The following CHD5 variants were observed in gnomAD, a reference collection of about 807,000 sequenced individuals.
CHD5 encodes chromodomain helicase DNA binding protein 5, also known as ATP-dependent chromatin remodeler CHD5.
A neutral mutation model predicts 230.3 loss-of-function variants in CHD5; 69 were observed. The ratio of observed to expected loss-of-function variants is 0.30; its 90% CI spans 0.25 to 0.37. The LOEUF is 0.37. CHD5 is among the 10% of genes least tolerant of loss of function. The pLI is 1.00. For synonymous variants in CHD5, 1,064 were observed against 1,065.9 expected (o/e 1.00, Z 0.03); for missense variants, 1,827 against 2,622.8 (o/e 0.70, Z 6.63).
At chr1:6,176,078 T>G (rs1667422085) in intron 1 of CHD5, among the ~76,000 whole-genome samples, 1 of 152,116 alleles carries the variant, frequency 6.6e-6, no homozygotes, top group African/African-American at 2.4e-5. Context: ...CCTGATCAAC[T>G]TGGAATGACA....
At chr1:6,159,154 G>A (rs964278004) in intron 3 of CHD5, among the ~76,000 whole-genome samples, 182 bp downstream of exon 3, 1 of 151,734 alleles carries the variant, frequency 6.6e-6, no homozygotes, top group Non-Finnish European at 1.5e-5. Flanking sequence ...AGAATTGCTT[G>A]AACCTGGGAG....
Position 6,149,338 on chromosome 1 carries a change from G to A in CHD5, c.1069C>T (p.Leu357=), listed in dbSNP as rs1166656358. 1 of 1,613,288 alleles carries A rather than the reference G, an allele frequency of 6.2e-7. No homozygotes were observed. The highest frequency in any genetic ancestry group is 8.5e-7 in the Non-Finnish European group (1 of 1,179,782). The change falls in exon 8 of 42, where the codon CTG becomes TTG. Residue 357 remains leucine, a synonymous_variant. Coordinates refer to ENST00000262450, the MANE Select transcript of CHD5 (RefSeq NM_015557.3). ...EVCQQGGEII[L]CDTCPRAYHL... is the part of the protein sequence containing the mutation. ...TAGGCCCTCGGGCAGGTGTCGCACA[G>A]GATGATCTCCCCACCCTGCTGGCAC...
At chr1:6,164,874 CAA>C (rs1227653762) in intron 2 of CHD5, among the ~76,000 whole-genome samples, 2 of 151,840 alleles carry the variant, frequency 1.3e-5, no homozygotes, top group African/African-American at 2.4e-5. Context: ...TGGAGCAAAT[CAA>C]AGAGAGGGAG....
At chr1:6,119,209 C>T (rs967097241) in intron 33 of CHD5, among the ~76,000 whole-genome samples, 1 of 151,968 alleles carries the variant, frequency 6.6e-6, no homozygotes, top group South Asian at 2.1e-4. Context: ...TGCAGTGGTG[C>T]GACCTCAGCC....
At chr1:6,159,642 CTCA>C (rs1375882760) in intron 2 of CHD5, 127 bp from the exon 3 acceptor site, 1 of 744,762 alleles carries the variant, frequency 1.3e-6, no homozygotes, top group East Asian at 2.7e-5. Context: ...CATCACTCCA[CTCA>C]TCATCAGAGG....
Position 6,126,723 on chromosome 1 carries a change from G to A in CHD5, c.3927C>T (p.Ile1309=), listed in dbSNP as rs1265186662. The part of the protein sequence containing the change: ...DGVEEVEREI[I]KQEENVDPDY... ...CGGGGTCCACGTTCTCCTCCTGCTTGATGATTTCCCGCTCCACCTCCTCCT... is the reference window on the plus strand; with the variant it reads ...CGGGGTCCACGTTCTCCTCCTGCTTAATGATTTCCCGCTCCACCTCCTCCT... The change falls in exon 26 of 42, where the codon ATC becomes ATT. Residue 1309 remains isoleucine, a synonymous_variant. Coordinates refer to ENST00000262450, the MANE Select transcript of CHD5 (RefSeq NM_015557.3). The surrounding 1 kb of genome is among the most constrained non-coding windows in gnomAD (Gnocchi z 5.7). 6 of 1,613,678 alleles carry A rather than the reference G, an allele frequency of 3.7e-6. No individual in the cohort carries two copies. The African/African-American group carries it at 8.0e-5, about 22-fold the overall frequency.
Position 6,142,693 on chromosome 1 carries a change from G to A in CHD5, c.2044-88C>T. 2.2e-6 allele frequency: 3 copies of A among 1,348,048 alleles called. No individual in the cohort carries two copies. Among genetic ancestry groups the A allele is most frequent in the South Asian group, 2.8e-5 (2 of 71,572 alleles). The allele number at this position is 1,348,048 out of a possible 1,614,324, so 83.5% of individuals were successfully genotyped here. ...GGCCTTTGCACATGCAATTCCTTCTGCCTGGAACACTCTTCCCACTCCTGT... is the reference window on the plus strand; with the variant it reads ...GGCCTTTGCACATGCAATTCCTTCTACCTGGAACACTCTTCCCACTCCTGT... On this transcript the variant is annotated intron_variant, in intron 13 of 41. Transcript: ENST00000262450. The surrounding 1 kb of genome is among the most constrained non-coding windows in gnomAD (Gnocchi z 5.2).
rs1667495451 is a variant in CHD5 at position 6,180,291 on chromosome 1, G to A, written c.-268C>T. Among the ~76,000 whole-genome samples, 1 of 151,422 alleles carries A rather than the reference G, an allele frequency of 6.6e-6. No individual in the cohort carries two copies. Among genetic ancestry groups the A allele is most frequent in the Non-Finnish European group, 1.5e-5 (1 of 67,776 alleles). ...CCGAGTCCCGCAGCCGGCCGAGGGT[G>A]GCGGCGGCAGCGCCAGAGGCACGGC... On this transcript the variant is annotated 5_prime_UTR_variant, in exon 1 of 42. Transcript: ENST00000262450.
In CHD5 at chr1:6,128,166, G is replaced by A. The variant is rs776509638; in HGVS notation, c.3783C>T (p.Ala1261=). Residue 1261 remains alanine, a synonymous_variant, in exon 25 of 42, where the codon GCC becomes GCT. Coordinates refer to ENST00000262450, the MANE Select transcript of CHD5 (RefSeq NM_015557.3). The surrounding 1 kb of genome is among the most constrained non-coding windows in gnomAD (Gnocchi z 7.8). The part of the protein sequence containing the change: ...DSSVIHYDDA[A]ISKLLDRNQD... ...GGTTCCGGTCCAGCAGCTTGGAGAT[G>A]GCCGCATCGTCATAGTGGATCACAC... 1.7e-5 allele frequency: 28 copies of A among 1,614,048 alleles called. No individual in the cohort carries two copies. In the African/African-American group the frequency reaches 2.0e-4, roughly 12 times the overall value.
chr1:6,174,590 TGGTGGATG>T (rs1228996935), intron 1 of CHD5, among the ~76,000 whole-genome samples: 1 of 148,868 alleles, frequency 6.7e-6, no homozygotes, highest in Non-Finnish European at 1.5e-5. Context: ...AGTGGATGGA[TGGTGGATG>T]GGTGGATGGA....
At chr1:6,150,919 C>T in intron 7 of CHD5, 113 bp downstream of exon 7, 1 of 1,302,186 alleles carries the variant, frequency 7.7e-7, no homozygotes, top group Non-Finnish European at 1.0e-6. Context: ...CGGGGAGGTT[C>T]CATGCCCCGC....
chr1:6,146,915 G>A lies in CHD5; in HGVS notation c.1384-44C>T, dbSNP rs770963102. 7.1e-7 allele frequency: 1 copy of A among 1,411,068 alleles called. No individual in the cohort carries two copies. Among genetic ancestry groups the A allele is most frequent in the Non-Finnish European group, 9.4e-7 (1 of 1,064,370 alleles). 87.4% of individuals were successfully genotyped at this position (1,411,068 alleles called of 1,614,324 possible). A position where few individuals can be genotyped will look rare whatever the true frequency, so the allele number is the denominator to read the frequency against. On this transcript the variant is annotated intron_variant, in intron 9 of 41. Transcript: ENST00000262450. This position sits in a 1 kb window ranked among gnomAD's most constrained non-coding sequence, Gnocchi z 5.1. ...CCCCAAGGTGGGGCTCAGCTGCAGG[G>A]CCCCACCCTGAGGCTCCCATGACAG...
Position 6,151,130 on chromosome 1 carries a change from G to A in CHD5, c.896C>T (p.Ser299Leu), listed in dbSNP as rs1477375151. ...GTGGATGCTGGCGCTGTCGAAGTCC[G>A]ACTCCTCCCTCTCATCTTCTTCACT... is the stretch of plus-strand genomic sequence containing the variant. ...SSSEEDEREESDFDSASIHSA... is the reference protein window; with the variant it reads ...SSSEEDEREELDFDSASIHSA... The change falls in exon 7 of 42, where the codon TCG (serine) becomes TTG (leucine). Residue 299 changes from serine (S) to leucine (L), a missense_variant. Transcript: ENST00000262450. 3.1e-6 allele frequency: 5 copies of A among 1,608,652 alleles called. No individual in the cohort carries two copies. Among genetic ancestry groups the A allele is most frequent in the Non-Finnish European group, 4.2e-6 (5 of 1,177,206 alleles).
rs867977204 is a variant in CHD5 at position 6,106,707 on chromosome 1, C to T, written c.5651G>A (p.Arg1884His). ...DVTRLPSMLS[R>H]IPPVAARLQM... ...CAGCCGGGCGGCCACCGGGGGGATG[C>T]GGGACAGCATGGATGGCAGCCGGGT... is the stretch of plus-strand genomic sequence containing the variant. Residue 1884 changes from arginine (R) to histidine (H), a missense_variant, in exon 39 of 42, where the codon CGC becomes CAC. Arg to His is a conservative substitution (Grantham distance 29). Around this residue, in one of 14 missense-constraint regions of CHD5, gnomAD observed 208 missense variants for 302.0 expected, o/e 0.69. Transcript: ENST00000262450. 1.1e-5 allele frequency: 18 copies of T among 1,611,538 alleles called. No individual in the cohort carries two copies. The highest frequency in any genetic ancestry group is 1.5e-5 in the Non-Finnish European group (18 of 1,179,664).
At position 6,146,139 on chromosome 1, in the gene CHD5, C is replaced by A; in HGVS notation, c.1802+73G>T. 2.7e-6 allele frequency: 4 copies of A among 1,469,732 alleles called. No individual in the cohort carries two copies. Among genetic ancestry groups the A allele is most frequent in the South Asian group, 2.4e-5 (2 of 83,196 alleles). The allele number at this position is 1,469,732 out of a possible 1,614,324, so 91.0% of individuals were successfully genotyped here. On this transcript the variant is annotated intron_variant, in intron 11 of 41. Coordinates refer to ENST00000262450, the MANE Select transcript of CHD5 (RefSeq NM_015557.3). This position sits in a 1 kb window ranked among gnomAD's most constrained non-coding sequence, Gnocchi z 5.1. ...GGGCCCTGGCACCCTGCGCTGCACC[C>A]ATTTTACAGGGCAAAGAAGCTGACG...
Position 6,142,109 on chromosome 1 carries a change from A to G in CHD5, c.2436+19T>C. The G allele has an allele frequency of 2.5e-6, 4 of 1,606,186 alleles. No individual in the cohort carries two copies. In the South Asian group the frequency reaches 4.4e-5, roughly 18 times the overall value. On this transcript the variant is annotated intron_variant, in intron 15 of 41. Transcript: ENST00000262450. The surrounding 1 kb of genome is among the most constrained non-coding windows in gnomAD (Gnocchi z 5.2). ...CCGGGGGCCTTCCTACCGTCCTTCC[A>G]AGGATAGCGAGCCCTCACCTTCATA...
chr1:6,111,238 A>G (rs1557536335), intron 36 of CHD5, among the ~76,000 whole-genome samples: 5 of 110,376 alleles, frequency 4.5e-5, no homozygotes. Context: ...TCAAAAAAAA[A>G]AGAAAAAGAA....
intron 15 of CHD5, among the ~76,000 whole-genome samples, chr1:6,137,972 G>A (rs1393010673): frequency 6.6e-6 from 1 of 152,200 alleles, no homozygotes; most frequent in Non-Finnish European, 1.5e-5. Context: ...GTTGGGGAGG[G>A]GGAGCCAGGC....
chr1:6,152,892 C>T (rs1441738040), intron 5 of CHD5, among the ~76,000 whole-genome samples: 2 of 152,204 alleles, frequency 1.3e-5, no homozygotes, highest in African/African-American at 4.8e-5. Flanking sequence ...AAGGCACAGC[C>T]GCCCACCTGT....
Sources: allele counts gnomAD v4.1 joint callset (sites outside exome capture counted in the v4.1 genomes callset), GRCh38; gene constraint gnomAD v4.1.1; regional missense constraint gnomAD v4.1.1; non-coding constraint Gnocchi (gnomAD v3.1); transcripts MANE v1.5; gene names NCBI Gene and HGNC (gene_info 2026-07-23, HGNC 2026-07-21).